Variants in ATP2C2 observed in about 807,000 individuals in gnomAD.
ATP2C2 encodes calcium-transporting ATPase type 2C member 2.
ATP2C2 carries 171 observed loss-of-function variants against 110.8 expected under a neutral mutation model. The ratio of observed to expected loss-of-function variants is 1.54; its 90% CI spans 1.36 to 1.75. The LOEUF is 1.75. Ranked by LOEUF, ATP2C2 falls within the 40% of genes most tolerant of loss-of-function variation. The probability of loss-of-function intolerance (pLI) is 0.00; values close to 1 mark genes in which losing one functional copy is unlikely to be tolerated. For synonymous variants in ATP2C2, 804 were observed against 508.4 expected (o/e 1.58, Z -7.82); for missense variants, 1,963 against 1,235.0 (o/e 1.59, Z -8.84).
chr16:84,391,688 A>G (rs904988893), intron 1 of ATP2C2, among the ~76,000 whole-genome samples: 3 of 152,214 alleles, frequency 2.0e-5, no homozygotes, highest in Admixed American at 6.5e-5. Context: ...GCAGGGTTCA[A>G]TGGGAACGTG....
chr16:84,423,545 G>A (rs1223946206), intron 10 of ATP2C2, among the ~76,000 whole-genome samples: 1 of 152,342 alleles, frequency 6.6e-6, no homozygotes, highest in East Asian at 1.9e-4. Flanking sequence ...TGGTCCAGTG[G>A]CTCTCCTGGA....
intron 15 of ATP2C2, among the ~76,000 whole-genome samples, chr16:84,443,156 C>G (rs981471769): frequency 6.6e-6 from 1 of 151,896 alleles, no homozygotes. Flanking sequence ...GAAGGAGAGG[C>G]AGAAAACATG....
chr16:84,414,209 C>G (rs1358677426), intron 6 of ATP2C2, among the ~76,000 whole-genome samples: 1 of 152,104 alleles, frequency 6.6e-6, no homozygotes, highest in Non-Finnish European at 1.5e-5. Context: ...GTGCTCTTGG[C>G]TACAAGGAAC....
chr16:84,393,515 C>T (rs79028902), intron 1 of ATP2C2, among the ~76,000 whole-genome samples: 3,296 of 152,130 alleles, frequency 0.022, 64 homozygotes, highest in Non-Finnish European at 0.032. Flanking sequence ...TGGCTGAAGT[C>T]GGTTGAGAAG....
chr16:84,411,577 G>C (rs1006909392), intron 6 of ATP2C2, among the ~76,000 whole-genome samples: 1 of 152,072 alleles, frequency 6.6e-6, no homozygotes, highest in African/African-American at 2.4e-5. Flanking sequence ...AAATAGCTGG[G>C]ACTACAGGCA....
chr16:84,414,395 C>T (rs767414458), intron 6 of ATP2C2, among the ~76,000 whole-genome samples: 1 of 152,210 alleles, frequency 6.6e-6, no homozygotes, highest in Non-Finnish European at 1.5e-5. Flanking sequence ...TGGCTCTCCT[C>T]ATGATCCCAG....
rs775106252 is a variant in ATP2C2 at position 84,452,099 on chromosome 16, G to A, written c.1831+8G>A. The A allele has an allele frequency of 1.2e-6, 2 of 1,613,920 alleles. No homozygotes were observed. Among genetic ancestry groups the A allele is most frequent in the South Asian group, 1.1e-5 (1 of 91,076 alleles). On this transcript the variant is annotated splice_region_variant and intron_variant, in intron 18 of 26. Coordinates refer to ENST00000262429, the MANE Select transcript of ATP2C2 (RefSeq NM_014861.4). The stretch of plus-strand genomic sequence containing the variant: ...AGACGGCCTTGGCCATAGGTAACTG[G>A]GACAGGGTCGGGGGTGAGGACGAAA...
chr16:84,411,850 C>T (rs896004131), intron 6 of ATP2C2, among the ~76,000 whole-genome samples: 1 of 152,208 alleles, frequency 6.6e-6, no homozygotes, highest in Non-Finnish European at 1.5e-5. Context: ...TGCGGGGGCC[C>T]TTCTAGGAAC....
chr16:84,403,931 T>C (rs1453749526), intron 2 of ATP2C2, among the ~76,000 whole-genome samples: 2 of 152,214 alleles, frequency 1.3e-5, no homozygotes, highest in East Asian at 3.8e-4. Flanking sequence ...CCTCAGGTGA[T>C]CTGCCTGCCT....
rs1567724716 is a variant in ATP2C2 at position 84,439,180 on chromosome 16, C to T, written c.1001C>T (p.Ala334Val). ...FTIGVSLAVA[A>V]IPEGLPIVVM... is the part of the protein sequence containing the mutation. Reference sequence around the variant, plus strand: ...TTTCGATCCAGCCTGGCTGTGGCGGCCATTCCAGAGGGTCTGCCCATCGTC... The same window carrying T: ...TTTCGATCCAGCCTGGCTGTGGCGGTCATTCCAGAGGGTCTGCCCATCGTC... Residue 334 changes from alanine to valine, a missense_variant, in exon 12 of 27, where the codon GCC becomes GTC. Ala to Val is a moderately conservative substitution (Grantham distance 64, BLOSUM62 0). Transcript: ENST00000262429. The T allele has an allele frequency of 2.5e-6, 4 of 1,612,070 alleles. No individual in the cohort carries two copies. The highest frequency in any genetic ancestry group is 1.7e-5 in the Admixed American group (1 of 60,004).
intron 17 of ATP2C2, among the ~76,000 whole-genome samples, chr16:84,449,106 A>G (rs985659080): frequency 1.1e-5 from 1 of 90,542 alleles, no homozygotes; most frequent in South Asian, 3.9e-4. Context: ...TGATGGGCTG[A>G]ACTGAACATT....
intron 1 of ATP2C2, among the ~76,000 whole-genome samples, chr16:84,397,664 A>AAAAAAAAAAAAAAAAAC (rs1567694767): frequency 6.8e-6 from 1 of 147,594 alleles, no homozygotes; most frequent in Non-Finnish European, 1.5e-5. Flanking sequence ...ACAAAAAAAA[A>AAAAAAAAAAAAAAAAAC]AAAAAAAAAC....
intron 11 of ATP2C2, among the ~76,000 whole-genome samples, chr16:84,436,906 G>A (rs989547490): frequency 2.0e-5 from 3 of 151,926 alleles, no homozygotes; most frequent in Non-Finnish European, 4.4e-5. Context: ...GGGATTACAG[G>A]CATGCGCCAC....
chr16:84,413,255 C>T (rs928246479), intron 6 of ATP2C2, among the ~76,000 whole-genome samples: 4 of 152,036 alleles, frequency 2.6e-5, no homozygotes, highest in African/African-American at 9.7e-5. Context: ...AGTATATATC[C>T]CAGGCACATG....
At chr16:84,405,075 C>A in intron 2 of ATP2C2, 53 bp from the exon 3 acceptor site, 1 of 1,455,128 alleles carries the variant, frequency 6.9e-7, no homozygotes, top group Non-Finnish European at 9.7e-7. Context: ...TACCCTGTTG[C>A]CTCATTCCTT....
chr16:84,393,292 G>A (rs1213882850), intron 1 of ATP2C2, among the ~76,000 whole-genome samples: 2 of 152,220 alleles, frequency 1.3e-5, no homozygotes, highest in Admixed American at 1.3e-4. Flanking sequence ...TTCTTAAGGA[G>A]ATGAGGGGGG....
chr16:84,451,811 C>G (rs758313101), intron 17 of ATP2C2, 110 bp from the exon 18 acceptor site: 66 of 1,155,742 alleles, frequency 5.7e-5, no homozygotes, highest in Non-Finnish European at 6.0e-5. Flanking sequence ...GCACTCCAAC[C>G]TGGGCGATAA....
chr16:84,441,719 A>G (rs1382085347), intron 14 of ATP2C2, among the ~76,000 whole-genome samples: 1 of 152,182 alleles, frequency 6.6e-6, no homozygotes, highest in Non-Finnish European at 1.5e-5. Context: ...TCAGGAGTTC[A>G]AGACCAGCCT....
intron 9 of ATP2C2, 93 bp from the exon 10 acceptor site, chr16:84,423,095 G>A: frequency 1.9e-6 from 2 of 1,066,540 alleles, no homozygotes; most frequent in Non-Finnish European, 2.9e-6. Flanking sequence ...AATCATCACT[G>A]AAGCTGTAGG....
Sources: gnomAD v4.1 joint callset for allele counts (sites outside exome capture counted in the v4.1 genomes callset) on GRCh38, gnomAD v4.1.1 for gene constraint, MANE v1.5 for transcripts, NCBI Gene and HGNC (gene_info 2026-07-23, HGNC 2026-07-21) for gene names.